Variants in CTNNA3 observed in about 807,000 individuals in gnomAD.
CTNNA3 encodes the protein catenin alpha 3.
Under a neutral mutation model 95.7 loss-of-function variants are expected in CTNNA3, and 76 were observed. The observed-to-expected ratio is 0.79, with a 90% confidence interval of 0.66 to 0.96. The LOEUF (loss-of-function observed/expected upper bound fraction) is 0.96, where lower values mean the gene tolerates loss of function less well. CTNNA3 is among the 40% of genes least tolerant of loss of function. The pLI, the probability that CTNNA3 is intolerant of heterozygous loss-of-function variation, is 0.00. For missense variants in CTNNA3, 1,191 were observed against 1,089.8 expected (o/e 1.09, Z -1.31); for synonymous variants, 431 against 374.4 (o/e 1.15, Z -1.74).
intron 5 of CTNNA3, among the ~76,000 whole-genome samples, chr10:67,366,485 A>G (rs930043785): frequency 6.6e-6 from 1 of 152,158 alleles, no homozygotes; most frequent in African/African-American, 2.4e-5. Flanking sequence ...TACTAAAAAT[A>G]CAAAAATCAG....
At chr10:67,575,089 G>T (rs1842101052) in intron 3 of CTNNA3, among the ~76,000 whole-genome samples, 2 of 152,106 alleles carry the variant, frequency 1.3e-5, no homozygotes, top group African/African-American at 4.8e-5. Context: ...CCACTCAGAG[G>T]GGAATGATTT....
intron 10 of CTNNA3, among the ~76,000 whole-genome samples, chr10:66,525,599 C>T (rs74141578): frequency 0.029 from 4,438 of 151,972 alleles, 231 homozygotes; most frequent in African/African-American, 0.1. Flanking sequence ...CATTACAATG[C>T]CTGGTGTAAA....
At chr10:66,884,614 A>C (rs1844973276) in intron 7 of CTNNA3, among the ~76,000 whole-genome samples, 1 of 152,162 alleles carries the variant, frequency 6.6e-6, no homozygotes, top group Non-Finnish European at 1.5e-5. Flanking sequence ...TCTTGACAGC[A>C]ACTTCCTGAG....
intron 12 of CTNNA3, among the ~76,000 whole-genome samples, chr10:66,304,610 ATG>A (rs2091906787): frequency 6.6e-6 from 1 of 152,162 alleles, no homozygotes; most frequent in African/African-American, 2.4e-5. Flanking sequence ...TGAAAACAAA[ATG>A]TGGAGAAAGC....
chr10:66,932,404 C>G (rs1003588842), intron 7 of CTNNA3, among the ~76,000 whole-genome samples: 11 of 152,064 alleles, frequency 7.2e-5, no homozygotes, highest in Non-Finnish European at 1.5e-4. Flanking sequence ...AAAGTGAGTT[C>G]CAGACATGGC....
chr10:66,125,176 G>T (rs992699399), intron 13 of CTNNA3, among the ~76,000 whole-genome samples: 1 of 152,086 alleles, frequency 6.6e-6, no homozygotes, highest in African/African-American at 2.4e-5. Context: ...AAGAACATCA[G>T]AGAAGCACTA....
chr10:67,328,611 T>A (rs1185098893), intron 5 of CTNNA3, among the ~76,000 whole-genome samples: 3 of 152,238 alleles, frequency 2.0e-5, no homozygotes, highest in Non-Finnish European at 2.9e-5. Context: ...GCAACTCACC[T>A]GTTCCCTCAG....
chr10:66,976,311 G>C (rs889123667), intron 7 of CTNNA3, among the ~76,000 whole-genome samples: 1 of 152,122 alleles, frequency 6.6e-6, no homozygotes, highest in African/African-American at 2.4e-5. Context: ...GGATATTTCA[G>C]CTGAGACCTG....
chr10:67,539,566 C>T lies in CTNNA3; in HGVS notation c.396G>A (p.Val132=), dbSNP rs1564725365. ...TGTCCGCAAGGATAAGGAGTCTCGT[C>T]ACCGCAGCCAGCAAGGCACGGGCAG... ...VQAARALLAA[V]TRLLILADMI... The change falls in exon 4 of 18, where the codon GTG becomes GTA. Residue 132 remains valine, a synonymous_variant. Coordinates refer to ENST00000433211, the MANE Select transcript of CTNNA3 (RefSeq NM_013266.4). 3.7e-6 allele frequency: 6 copies of T among 1,613,856 alleles called. No individual in the cohort carries two copies. The highest frequency in any genetic ancestry group is 4.2e-6 in the Non-Finnish European group (5 of 1,179,826).
chr10:67,555,691 T>C lies in CTNNA3; in HGVS notation c.293-16022A>G, dbSNP rs940002461. ...GGGTTTTCTAGATATACTATCATGT[T>C]ATCTGCAAACAGAGACAATTTGACT... On this transcript the variant is annotated intron_variant, in intron 3 of 17. Transcript: ENST00000433211. Among the ~76,000 whole-genome samples, 5 of 152,294 alleles carry C rather than the reference T, an allele frequency of 3.3e-5. No individual in the cohort carries two copies. In the East Asian group the frequency reaches 9.6e-4, roughly 29 times the overall value.
At chr10:67,208,445 CA>C (rs1010234849) in intron 6 of CTNNA3, among the ~76,000 whole-genome samples, 1 of 150,276 alleles carries the variant, frequency 6.7e-6, no homozygotes, top group African/African-American at 2.4e-5. Flanking sequence ...AATGGTATTG[CA>C]AAAATAAAAA....
intron 1 of CTNNA3, among the ~76,000 whole-genome samples, chr10:67,702,835 G>A (rs1841051966): frequency 6.6e-6 from 1 of 152,090 alleles, no homozygotes; most frequent in Non-Finnish European, 1.5e-5. Context: ...ATGAATCCAG[G>A]AGCTGGTTTT....
intron 13 of CTNNA3, among the ~76,000 whole-genome samples, chr10:66,201,715 AAC>A (rs2087418887): frequency 6.6e-6 from 1 of 151,856 alleles, no homozygotes; most frequent in South Asian, 2.1e-4. Flanking sequence ...CTTGCTATAG[AAC>A]ACACAGTTAT....
At chr10:66,973,605 A>G (rs200594004) in intron 7 of CTNNA3, among the ~76,000 whole-genome samples, 1 of 152,138 alleles carries the variant, frequency 6.6e-6, no homozygotes, top group Admixed American at 6.5e-5. Flanking sequence ...TACACTCTCA[A>G]ATAATTTTGT....
intron 7 of CTNNA3, among the ~76,000 whole-genome samples, chr10:66,923,102 A>C (rs1846874243): frequency 6.6e-6 from 1 of 152,176 alleles, no homozygotes; most frequent in African/African-American, 2.4e-5. Context: ...AGACTAAATA[A>C]ATATTAATCA....
intron 3 of CTNNA3, among the ~76,000 whole-genome samples, chr10:67,566,716 G>A (rs1841816541): frequency 6.6e-6 from 1 of 152,028 alleles, no homozygotes; most frequent in African/African-American, 2.4e-5. Context: ...AAAGACACAT[G>A]CACATGTATG....
At chr10:67,324,479 G>T (rs1030391969) in intron 5 of CTNNA3, among the ~76,000 whole-genome samples, 2 of 152,126 alleles carry the variant, frequency 1.3e-5, no homozygotes, top group Admixed American at 6.5e-5. Context: ...AGCCTTTTCT[G>T]CATCTATTAA....
chr10:67,632,382 C>T (rs576967296), intron 2 of CTNNA3, among the ~76,000 whole-genome samples: 26 of 152,084 alleles, frequency 1.7e-4, no homozygotes, highest in Admixed American at 5.9e-4. Flanking sequence ...GAGCCCCAAC[C>T]TCGCTGCCGG....
intron 2 of CTNNA3, among the ~76,000 whole-genome samples, chr10:67,645,408 C>A (rs1296459405): frequency 6.6e-6 from 1 of 152,150 alleles, no homozygotes; most frequent in Non-Finnish European, 1.5e-5. Context: ...AAGTGACCAA[C>A]TGTAATGTTC....
Sources: allele counts gnomAD v4.1 joint callset (sites outside exome capture counted in the v4.1 genomes callset), GRCh38; gene constraint gnomAD v4.1.1; transcripts MANE v1.5; gene names NCBI Gene and HGNC (gene_info 2026-07-23, HGNC 2026-07-21).